The following P2RX3 variants were observed in gnomAD, a reference collection of about 807,000 sequenced individuals.
P2RX3 encodes P2X purinoceptor 3.
A neutral mutation model predicts 51.5 loss-of-function variants in P2RX3; 41 were observed. The observed-to-expected ratio is 0.80, with a 90% CI of 0.62 to 1.03. P2RX3 has a LOEUF of 1.03. Among genes scored for constraint, P2RX3 ranks in the 50% least tolerant of loss-of-function variants. The pLI is 0.00. For missense variants in P2RX3, 459 were observed against 522.1 expected (o/e 0.88, Z 1.18); for synonymous variants, 185 against 191.6 (o/e 0.97, Z 0.29).
intron 6 of P2RX3, among the ~76,000 whole-genome samples, chr11:57,349,375 A>T (rs1485230415): frequency 2.0e-5 from 3 of 151,742 alleles, no homozygotes; most frequent in African/African-American, 7.3e-5. Flanking sequence ...CTGAGGCAGG[A>T]GAATCGCTTG....
intron 8 of P2RX3, among the ~76,000 whole-genome samples, chr11:57,356,394 C>T (rs897731601): frequency 6.6e-6 from 1 of 152,212 alleles, no homozygotes; most frequent in Non-Finnish European, 1.5e-5. Flanking sequence ...CTTGTTTCTC[C>T]TCTGAGAGTT....
At chr11:57,343,279 G>A (rs1856375305) in intron 1 of P2RX3, among the ~76,000 whole-genome samples, 1 of 152,240 alleles carries the variant, frequency 6.6e-6, no homozygotes, top group South Asian at 2.1e-4. Flanking sequence ...TAGGAGATTG[G>A]TTGATTGTTC....
intron 8 of P2RX3, among the ~76,000 whole-genome samples, chr11:57,354,800 G>A (rs767002912): frequency 6.6e-6 from 1 of 152,088 alleles, no homozygotes; most frequent in Admixed American, 6.6e-5. Flanking sequence ...TACTGTATCC[G>A]TCAGGGTCCC....
At position 57,347,250 on chromosome 11, in the gene P2RX3, G is replaced by A; in HGVS notation, c.327+63G>A. 3 of 1,566,344 alleles carry A rather than the reference G, an allele frequency of 1.9e-6. No homozygotes were observed. The South Asian group carries it at 3.4e-5, about 18-fold the overall frequency. On this transcript the variant is annotated intron_variant, in intron 3 of 11. Coordinates refer to ENST00000263314, the MANE Select transcript of P2RX3 (RefSeq NM_002559.5). ...GCTGAAAATGTTGGTGGGAGTGGGAGCAGTGGCAGGGAGGTATGAGCAGAG... is the reference window on the plus strand; with the variant it reads ...GCTGAAAATGTTGGTGGGAGTGGGAACAGTGGCAGGGAGGTATGAGCAGAG...
At chr11:57,350,640 C>T in intron 7 of P2RX3, 122 bp from the exon 8 acceptor site, 1 of 1,360,618 alleles carries the variant, frequency 7.3e-7, no homozygotes, top group Non-Finnish European at 1.0e-6. Flanking sequence ...CTCCCTGCCT[C>T]CGTCTCCCAC....
intron 8 of P2RX3, among the ~76,000 whole-genome samples, chr11:57,367,413 T>C (rs1590642877): frequency 6.6e-6 from 1 of 152,154 alleles, no homozygotes; most frequent in Admixed American, 6.5e-5. Flanking sequence ...GAATCACTGA[T>C]GGAAATTATT....
chr11:57,350,739 T>G (rs1856531079), intron 7 of P2RX3, 23 bp from the exon 8 acceptor site: 1 of 1,604,846 alleles, frequency 6.2e-7, no homozygotes, highest in Non-Finnish European at 8.5e-7. Context: ...AGGGGAAAGC[T>G]CATACCCGGC....
At position 57,340,740 on chromosome 11, in the gene P2RX3, C is replaced by T. The variant is rs1449637312; in HGVS notation, c.119+2071C>T. ...TTAGAGGTGCACAGTTATAGAGAGCCGCTTCTGTGAAGGTGTTTGGCCCAG... is the reference window on the plus strand; with the variant it reads ...TTAGAGGTGCACAGTTATAGAGAGCTGCTTCTGTGAAGGTGTTTGGCCCAG... On this transcript the variant is annotated intron_variant, in intron 1 of 11. Coordinates refer to ENST00000263314, the MANE Select transcript of P2RX3 (RefSeq NM_002559.5). 5.3e-5 allele frequency: 8 copies of T among 152,228 alleles called. No homozygotes were observed. The East Asian group carries it at 7.7e-4, about 15-fold the overall frequency. 9.4% of individuals were successfully genotyped at this position (152,228 alleles called of 1,614,324 possible). A position where few individuals can be genotyped will look rare whatever the true frequency, so the allele number is the denominator to read the frequency against.
Position 57,348,610 on chromosome 11 carries a change from C to G in P2RX3, c.486-17C>G. The G allele has an allele frequency of 6.2e-7, 1 of 1,610,394 alleles. No individual in the cohort carries two copies. The highest frequency in any genetic ancestry group is 1.1e-5 in the South Asian group (1 of 90,914). ...TCTTCTTCCTGGAAAGCTAAGGCCT[C>G]CTGTGCTCACCCACAGGCCCATCAT... On this transcript the variant is annotated splice_polypyrimidine_tract_variant and intron_variant, in intron 5 of 11. Transcript: ENST00000263314.
At chr11:57,345,241 T>A (rs1330774335) in intron 1 of P2RX3, among the ~76,000 whole-genome samples, 7 of 152,250 alleles carry the variant, frequency 4.6e-5, no homozygotes, top group African/African-American at 1.7e-4. Flanking sequence ...TCTGGTGTGG[T>A]TTTCCAACCT....
chr11:57,370,087 GC>G lies in P2RX3; in HGVS notation c.*91del. 1 of 906,618 alleles carries G rather than the reference GC, an allele frequency of 1.1e-6. No homozygotes were observed. The highest frequency in any genetic ancestry group is 1.7e-6 in the Non-Finnish European group (1 of 575,192). The allele number at this position is 906,618 out of a possible 1,614,324, so 56.2% of individuals were successfully genotyped here. A position where few individuals can be genotyped will look rare whatever the true frequency, so the allele number is the denominator to read the frequency against. ...GCAAGGGGCATGGGAGGGAAGAGGG[GC>G]TCTCATTTCTGCTGCTCATTCCATG... On this transcript the variant is annotated 3_prime_UTR_variant, in exon 12 of 12. Transcript: ENST00000263314.
intron 1 of P2RX3, 69 bp downstream of exon 1, chr11:57,338,738 T>C (rs1359309795): frequency 9.6e-7 from 1 of 1,036,722 alleles, no homozygotes; most frequent in African/African-American, 1.6e-5. Flanking sequence ...CCCTCCTGCC[T>C]CGGTGCTACC....
chr11:57,365,498 C>G (rs1404961706), intron 8 of P2RX3, among the ~76,000 whole-genome samples: 1 of 152,212 alleles, frequency 6.6e-6, no homozygotes, highest in Non-Finnish European at 1.5e-5. Context: ...CCAAAGCGGT[C>G]TTTGCAGATC....
chr11:57,348,269 G>T lies in P2RX3; in HGVS notation c.485+6G>T. The T allele has an allele frequency of 6.3e-7, 1 of 1,595,446 alleles. No individual in the cohort carries two copies. The highest frequency in any genetic ancestry group is 1.3e-5 in the African/African-American group (1 of 74,808). On this transcript the variant is annotated splice_donor_region_variant and intron_variant, in intron 5 of 11. Transcript: ENST00000263314. ...GAGGTGGACACAGTGGAAACGTAAGGCTCCAAGCCAGACAGGAGGAGACAG... is the reference window on the plus strand; with the variant it reads ...GAGGTGGACACAGTGGAAACGTAAGTCTCCAAGCCAGACAGGAGGAGACAG...
intron 1 of P2RX3, among the ~76,000 whole-genome samples, chr11:57,342,411 C>T (rs1279479616): frequency 6.6e-6 from 1 of 151,926 alleles, no homozygotes; most frequent in Non-Finnish European, 1.5e-5. Context: ...CCACCTGCCT[C>T]GGCCTCCCAA....
rs1856822504 is a variant in P2RX3, at chr11:57,368,036, T to C, written c.870T>C (p.Asn290=). ...FRFAKYYKME[N]GSEYRTLLKA... is the part of the protein sequence containing the mutation. ...TTGCCAAGTACTACAAAATGGAAAA[T>C]GGCAGTGAGTACCGCACCCTCCTGA... Residue 290 remains asparagine (N), a synonymous_variant, in exon 9 of 12, where the codon AAT becomes AAC. Transcript: ENST00000263314. 3 of 1,614,042 alleles carry C rather than the reference T, an allele frequency of 1.9e-6. No individual in the cohort carries two copies. The highest frequency in any genetic ancestry group is 2.5e-6 in the Non-Finnish European group (3 of 1,180,002).
chr11:57,338,720 C>T (rs752533607), intron 1 of P2RX3, 51 bp downstream of exon 1: 27 of 1,240,546 alleles, frequency 2.2e-5, no homozygotes, highest in Non-Finnish European at 2.8e-5. Flanking sequence ...CCTGGTATCC[C>T]GTCTTCACCC....
chr11:57,358,893 A>T (rs971627226), intron 8 of P2RX3, among the ~76,000 whole-genome samples: 1 of 152,160 alleles, frequency 6.6e-6, no homozygotes, highest in African/African-American at 2.4e-5. Context: ...ACACTCACAC[A>T]CACACGCACT....
chr11:57,347,296 A>G, intron 3 of P2RX3, 109 bp downstream of exon 3: 2 of 1,477,220 alleles, frequency 1.4e-6, no homozygotes, highest in Non-Finnish European at 1.9e-6. Flanking sequence ...TGACCTTGCA[A>G]CTGGGACCTG....
Sources: gnomAD v4.1 joint callset for allele counts (sites outside exome capture counted in the v4.1 genomes callset) on GRCh38, gnomAD v4.1.1 for gene constraint, MANE v1.5 for transcripts, NCBI Gene and HGNC (gene_info 2026-07-23, HGNC 2026-07-21) for gene names.